FIGN: variants seen among roughly 807,000 people sequenced by gnomAD.
FIGN encodes fidgetin.
In FIGN, 11 loss-of-function variants were observed where a neutral mutation model predicts 51.3. That is an observed-to-expected ratio of 0.21 (90% CI 0.13 to 0.35). The LOEUF (loss-of-function observed/expected upper bound fraction) is 0.35. Among genes scored for constraint, FIGN ranks in the 10% least tolerant of loss-of-function variants. The probability of loss-of-function intolerance (pLI) is 1.00; values close to 1 mark genes in which losing one functional copy is unlikely to be tolerated. For synonymous variants in FIGN, 407 were observed against 363.2 expected, an observed-to-expected ratio of 1.12 and a Z score of -1.37; for missense variants, 857 against 943.6, an observed-to-expected ratio of 0.91 and a Z score of 1.20.
intron 2 of FIGN, among the ~76,000 whole-genome samples, chr2:163,635,175 G>T (rs114901844): frequency 6.6e-6 from 1 of 152,066 alleles, no homozygotes; most frequent in Non-Finnish European, 1.5e-5. Context: ...TAATAAACAA[G>T]ACATCATTAG....
chr2:163,632,259 A>G (rs1683156653), intron 2 of FIGN, among the ~76,000 whole-genome samples: 1 of 152,220 alleles, frequency 6.6e-6, no homozygotes, highest in African/African-American at 2.4e-5. Context: ...TTATCTCCCT[A>G]TCTTGAGGAT....
rs550633563 is a variant in FIGN at position 163,642,649 on chromosome 2, T to A, written c.26-30843A>T. ...TTATGGATCCTACCAAAACTCCAAG[T>A]TTTCAAGGGCAGGTGCTGAAGATAA... is the stretch of plus-strand genomic sequence containing the variant. On this transcript the variant is annotated intron_variant, in intron 2 of 2. Transcript: ENST00000333129. Among the ~76,000 whole-genome samples, 12 of 152,186 alleles carry A rather than the reference T, an allele frequency of 7.9e-5. No individual in the cohort carries two copies. In the South Asian group the frequency reaches 2.3e-3, roughly 29 times the overall value.
rs187000091 is a variant in FIGN at position 163,610,148 on chromosome 2, C to T, written c.1684G>A (p.Glu562Lys). The T allele has an allele frequency of 1.8e-5, 29 of 1,614,142 alleles. No individual in the cohort carries two copies. In the Admixed American group the frequency reaches 3.5e-4, roughly 19 times the overall value. Residue 562 changes from glutamate to lysine, a missense_variant, in exon 3 of 3, where the codon GAA (glutamate) becomes AAA (lysine). Around this residue, in one of 3 missense-constraint regions of FIGN, gnomAD observed 799 missense variants for 849.5 expected, o/e 0.94. Transcript: ENST00000333129. ...GAGGCATGGATAATTTTCTCTGCTT[C>T]TCCTAACCACTTGGCGACTAGTCCA... ...GSGLVAKWLG[E>K]AEKIIHASFL...
chr2:163,614,477 C>T (rs898266355), intron 2 of FIGN, among the ~76,000 whole-genome samples: 1 of 151,990 alleles, frequency 6.6e-6, no homozygotes, highest in African/African-American at 2.4e-5. Context: ...TTCATTAGTC[C>T]TGTAAATTAT....
chr2:163,727,876 T>C (rs1243397875), intron 2 of FIGN, among the ~76,000 whole-genome samples: 1 of 152,186 alleles, frequency 6.6e-6, no homozygotes, highest in South Asian at 2.1e-4. Context: ...TTGATCTCAT[T>C]GAGAAGTACT....
intron 2 of FIGN, among the ~76,000 whole-genome samples, chr2:163,708,016 A>G (rs1684528646): frequency 6.6e-6 from 1 of 152,182 alleles, no homozygotes; most frequent in Non-Finnish European, 1.5e-5. Flanking sequence ...AAATTTCTCA[A>G]CATTTTAAAA....
At chr2:163,614,767 TAAC>T (rs1310926528) in intron 2 of FIGN, among the ~76,000 whole-genome samples, 2 of 152,028 alleles carry the variant, frequency 1.3e-5, no homozygotes, top group Admixed American at 6.6e-5. Flanking sequence ...TAAACATACA[TAAC>T]AAATATTATA....
intron 2 of FIGN, among the ~76,000 whole-genome samples, chr2:163,643,932 CAAAAAAAAA>C (rs1162234909): frequency 0.012 from 228 of 19,084 alleles, 5 homozygotes; most frequent in Non-Finnish European, 0.018. Flanking sequence ...AACTCTGTCT[CAAAAAAAAA>C]AAAAAAAAAA....
chr2:163,612,691 A>G, intron 2 of FIGN: 1 of 678,194 alleles, frequency 1.5e-6, no homozygotes, highest in Non-Finnish European at 1.7e-6. Context: ...AAGAGGGGAG[A>G]ATGTGTGTGT....
rs374531408 is a variant in FIGN at position 163,637,520 on chromosome 2, A to T, written c.26-25714T>A. On this transcript the variant is annotated intron_variant, in intron 2 of 2. Transcript: ENST00000333129. ...TAGTGCCTCTCACTTAGAAGAGATA[A>T]TGCATGTGAAGATAGACAAAATTGT... Among the ~76,000 whole-genome samples the T allele has an allele frequency of 7.0e-4, 106 of 152,312 alleles. 1 individual carries two copies. The South Asian group carries it at 0.021, about 30-fold the overall frequency.
chr2:163,666,302 C>T (rs1289974044), intron 2 of FIGN, among the ~76,000 whole-genome samples: 1 of 152,136 alleles, frequency 6.6e-6, no homozygotes, highest in Non-Finnish European at 1.5e-5. Context: ...TGCTTCTTCG[C>T]CTTCCTCAAG....
intron 2 of FIGN, among the ~76,000 whole-genome samples, chr2:163,677,137 G>A (rs1683985364): frequency 6.6e-6 from 1 of 152,142 alleles, no homozygotes; most frequent in South Asian, 2.1e-4. Context: ...TTTGCAGAAT[G>A]GGCATGGCTC....
intron 2 of FIGN, among the ~76,000 whole-genome samples, chr2:163,678,219 T>C (rs2105337417): frequency 6.6e-6 from 1 of 152,190 alleles, no homozygotes; most frequent in South Asian, 2.1e-4. Context: ...ACATGTCTTT[T>C]TTTTTCTTTT....
chr2:163,718,467 G>T (rs1193894971), intron 2 of FIGN, among the ~76,000 whole-genome samples: 1 of 152,142 alleles, frequency 6.6e-6, no homozygotes, highest in African/African-American at 2.4e-5. Flanking sequence ...CCCATCAGTG[G>T]AACTGTCTGA....
intron 1 of FIGN, 98 bp downstream of exon 1, chr2:163,735,740 T>C (rs531961068): frequency 1.8e-4 from 27 of 152,554 alleles, no homozygotes; most frequent in African/African-American, 5.5e-4. Context: ...CAACTGAAGA[T>C]CTCTTTTAAT....
chr2:163,715,312 C>T (rs1464598654), intron 2 of FIGN, among the ~76,000 whole-genome samples: 1 of 152,156 alleles, frequency 6.6e-6, no homozygotes, highest in Non-Finnish European at 1.5e-5. Flanking sequence ...AGCCCTGCCT[C>T]CAGGAGGGGG....
intron 2 of FIGN, among the ~76,000 whole-genome samples, chr2:163,713,214 A>G (rs1258091604): frequency 6.6e-6 from 1 of 152,170 alleles, no homozygotes; most frequent in Non-Finnish European, 1.5e-5. Context: ...CTCCCACAGG[A>G]TCTGAATTTT....
chr2:163,678,309 C>G (rs959243111), intron 2 of FIGN, among the ~76,000 whole-genome samples: 2 of 152,122 alleles, frequency 1.3e-5, no homozygotes, highest in Non-Finnish European at 2.9e-5. Flanking sequence ...CAACCTCCAC[C>G]TCCCACGTTC....
Position 163,659,073 on chromosome 2 carries a change from C to G in FIGN, c.26-47267G>C, listed in dbSNP as rs149724107. Among the ~76,000 whole-genome samples the G allele has an allele frequency of 7.3e-3, 1,108 of 152,134 alleles. 11 individuals are homozygous for G. The highest frequency in any genetic ancestry group is 0.024 in the African/African-American group (1,014 of 41,490). ...AACCTTCGAAGTTCATAAATTTCTT[C>G]TTTTCTTACTAAATGGTCAGATGTT... On this transcript the variant is annotated intron_variant, in intron 2 of 2. Transcript: ENST00000333129.
Sources: gnomAD v4.1 joint callset for allele counts (sites outside exome capture counted in the v4.1 genomes callset) on GRCh38, gnomAD v4.1.1 for gene constraint, gnomAD v4.1.1 regional missense constraint, MANE v1.5 for transcripts, NCBI Gene and HGNC (gene_info 2026-07-23, HGNC 2026-07-21) for gene names.